Variants in CACNA1E observed in about 807,000 individuals in gnomAD.
CACNA1E encodes calcium voltage-gated channel subunit alpha1 E, also known as voltage-dependent R-type calcium channel subunit alpha-1E.
A neutral mutation model predicts 259.2 loss-of-function variants in CACNA1E; 40 were observed. The ratio of observed to expected loss-of-function variants is 0.15; its 90% CI spans 0.12 to 0.20. The LOEUF is 0.20. Among genes scored for constraint, CACNA1E ranks in the 10% least tolerant of loss-of-function variants. The probability of loss-of-function intolerance (pLI) is 1.00; values close to 1 mark genes in which losing one functional copy is unlikely to be tolerated. For synonymous variants in CACNA1E, 1,104 were observed against 1,138.5 expected (o/e 0.97, Z 0.61); for missense variants, 1,874 against 3,040.1 (o/e 0.62, Z 9.02).
chr1:181,524,318 C>A (rs1224639440), intron 3 of CACNA1E, among the ~76,000 whole-genome samples: 1 of 152,106 alleles, frequency 6.6e-6, no homozygotes, highest in Non-Finnish European at 1.5e-5. Context: ...TAAAAAAGAG[C>A]AATCTAATTG....
chr1:181,644,764 C>G (rs987982278), intron 6 of CACNA1E, among the ~76,000 whole-genome samples: 1 of 152,158 alleles, frequency 6.6e-6, no homozygotes, highest in East Asian at 1.9e-4. Context: ...TAGGCAAAGC[C>G]TCAGCCTGGT....
chr1:181,793,912 T>A (rs1661555972), intron 45 of CACNA1E, 119 bp downstream of exon 45: 1 of 1,124,122 alleles, frequency 8.9e-7, no homozygotes, highest in African/African-American at 1.6e-5. Flanking sequence ...TCCCTATAAA[T>A]AAAACCTGGC....
chr1:181,334,837 T>G (rs985926316), intron 1 of CACNA1E, among the ~76,000 whole-genome samples: 2 of 152,198 alleles, frequency 1.3e-5, no homozygotes, highest in Non-Finnish European at 2.9e-5. Flanking sequence ...CCTGAAACCA[T>G]CCAGTGTCTT....
intron 7 of CACNA1E, among the ~76,000 whole-genome samples, chr1:181,675,650 T>A (rs1046770351): frequency 1.3e-5 from 2 of 152,094 alleles, no homozygotes; most frequent in African/African-American, 4.8e-5. Flanking sequence ...AGGGAAAGAA[T>A]TAAAATAATA....
chr1:181,459,887 C>G (rs114630485), intron 2 of CACNA1E, among the ~76,000 whole-genome samples: 107 of 152,314 alleles, frequency 7.0e-4, no homozygotes, highest in African/African-American at 2.5e-3. Flanking sequence ...AGAGATTGAG[C>G]AGATGAATTC....
Position 181,781,979 on chromosome 1 carries a change from A to T in CACNA1E, c.5364+456A>T, listed in dbSNP as rs147596706. ...TTCCTTTAAACGTGGAATTGTTAGG[A>T]GAAAGGAAAATTCCTTTAAACAAGA... is the stretch of plus-strand genomic sequence containing the variant. On this transcript the variant is annotated intron_variant, in intron 39 of 47. Coordinates refer to ENST00000367573, the MANE Select transcript of CACNA1E (RefSeq NM_001205293.3). Among the ~76,000 whole-genome samples, 418 of 152,344 alleles carry T rather than the reference A, an allele frequency of 2.7e-3. 1 individual carries two copies. Among genetic ancestry groups the T allele is most frequent in the African/African-American group, 9.5e-3 (395 of 41,582 alleles).
chr1:181,709,703 C>T (rs544802587), intron 7 of CACNA1E, among the ~76,000 whole-genome samples: 1 of 152,160 alleles, frequency 6.6e-6, no homozygotes, highest in Non-Finnish European at 1.5e-5. Context: ...TCACAGCTCA[C>T]TGTAACCTCG....
At chr1:181,653,382 C>G (rs1319570169) in intron 7 of CACNA1E, among the ~76,000 whole-genome samples, 1 of 152,088 alleles carries the variant, frequency 6.6e-6, no homozygotes. Flanking sequence ...AGGGAGTTTC[C>G]CTGTACAAGC....
chr1:181,544,564 C>A (rs1647252498), intron 3 of CACNA1E, among the ~76,000 whole-genome samples: 1 of 152,112 alleles, frequency 6.6e-6, no homozygotes, highest in Admixed American at 6.5e-5. Flanking sequence ...TTTATTGTAA[C>A]CTATAAGGTG....
intron 1 of CACNA1E, among the ~76,000 whole-genome samples, chr1:181,354,843 A>G (rs1653305701): frequency 6.6e-6 from 1 of 152,232 alleles, no homozygotes; most frequent in Non-Finnish European, 1.5e-5. Flanking sequence ...GATTTTGCCT[A>G]TGAAGAAACC....
chr1:181,400,495 C>G (rs581541), intron 1 of CACNA1E, among the ~76,000 whole-genome samples: 1 of 151,932 alleles, frequency 6.6e-6, no homozygotes, highest in East Asian at 1.9e-4. Context: ...ACCTCTCCCC[C>G]ACCACATCAG....
At chr1:181,633,633 A>T (rs890057222) in intron 6 of CACNA1E, among the ~76,000 whole-genome samples, 2 of 152,138 alleles carry the variant, frequency 1.3e-5, no homozygotes, top group Non-Finnish European at 2.9e-5. Flanking sequence ...CTGGGAATAT[A>T]GGCGCCTGCC....
At chr1:181,339,990 C>T (rs6686394) in intron 1 of CACNA1E, among the ~76,000 whole-genome samples, 58,543 of 151,354 alleles carry the variant, frequency 0.39, 11,622 homozygotes, top group Non-Finnish European at 0.44. Context: ...GTATCAGTCT[C>T]TTTATTATTG....
chr1:181,630,396 C>CCCCCCT (rs1553304324), intron 6 of CACNA1E, among the ~76,000 whole-genome samples: 1 of 151,042 alleles, frequency 6.6e-6, no homozygotes, highest in African/African-American at 2.4e-5. Flanking sequence ...CCCCCCACCC[C>CCCCCCT]GCCTTAAAAC....
chr1:181,701,746 A>C (rs1030943635), intron 7 of CACNA1E, among the ~76,000 whole-genome samples: 21 of 152,192 alleles, frequency 1.4e-4, no homozygotes, highest in African/African-American at 4.8e-4. Flanking sequence ...AGAACTCATA[A>C]CTTTTCAATA....
intron 3 of CACNA1E, among the ~76,000 whole-genome samples, chr1:181,519,126 G>T (rs138695538): frequency 3.3e-4 from 50 of 152,276 alleles, no homozygotes; most frequent in Non-Finnish European, 6.8e-4. Context: ...GGGAGGTGGG[G>T]TGAAAATCCC....
At position 181,720,097 on chromosome 1, in the gene CACNA1E, A is replaced by T. The variant is rs574922284; in HGVS notation, c.1752-109A>T. ...TTTCTGCCCTCTTTACTTCCTACAA[A>T]TATACAAATGCAGCTTATTTCATAG... On this transcript the variant is annotated intron_variant, in intron 13 of 47. Transcript: ENST00000367573. 2.1e-5 allele frequency: 28 copies of T among 1,309,008 alleles called. No individual in the cohort carries two copies. In the South Asian group the frequency reaches 3.9e-4, roughly 18 times the overall value. 81.1% of individuals were successfully genotyped at this position (1,309,008 alleles called of 1,614,324 possible). A position where few individuals can be genotyped will look rare whatever the true frequency, so the allele number is the denominator to read the frequency against.
intron 25 of CACNA1E, among the ~76,000 whole-genome samples, chr1:181,740,076 G>A (rs1253626620): frequency 6.6e-6 from 1 of 152,110 alleles, no homozygotes; most frequent in Non-Finnish European, 1.5e-5. Context: ...CAGCCTCAGG[G>A]CTCTGTCTGT....
intron 1 of CACNA1E, among the ~76,000 whole-genome samples, chr1:181,327,022 C>T (rs1198781744): frequency 1.3e-5 from 2 of 152,308 alleles, no homozygotes; most frequent in African/African-American, 4.8e-5. Context: ...ACTCCCTTGG[C>T]ATCCCATGCT....
Sources: gnomAD v4.1 joint callset for allele counts (sites outside exome capture counted in the v4.1 genomes callset) on GRCh38, gnomAD v4.1.1 for gene constraint, MANE v1.5 for transcripts, NCBI Gene and HGNC (gene_info 2026-07-23, HGNC 2026-07-21) for gene names.